Variants in IGF2BP3 observed in about 807,000 individuals in gnomAD.
IGF2BP3 encodes the protein insulin like growth factor 2 mRNA binding protein 3.
A neutral mutation model predicts 73.8 loss-of-function variants in IGF2BP3; 9 were observed. That is an observed-to-expected ratio of 0.12 (90% CI 0.07 to 0.21). The LOEUF (loss-of-function observed/expected upper bound fraction) is 0.21, where lower values mean the gene tolerates loss of function less well. Ranked by LOEUF, IGF2BP3 falls within the 10% of genes least tolerant of loss-of-function variation. The probability of loss-of-function intolerance (pLI) is 1.00; values close to 1 mark genes in which losing one functional copy is unlikely to be tolerated. For missense variants in IGF2BP3, 542 were observed against 714.0 expected, an observed-to-expected ratio of 0.76 and a Z score of 2.75; for synonymous variants, 258 against 256.7, an observed-to-expected ratio of 1.01 and a Z score of -0.05.
In IGF2BP3 at chr7:23,452,069, A is replaced by T. The variant is rs1006437407; in HGVS notation, c.236+16413T>A. ...ACCAAGGCTGGAGCACAGTGGCGTGATATCAGCTCACTGCAAGCTCCGCTT... is the reference window on the plus strand; with the variant it reads ...ACCAAGGCTGGAGCACAGTGGCGTGTTATCAGCTCACTGCAAGCTCCGCTT... On this transcript the variant is annotated intron_variant, in intron 2 of 14. Coordinates refer to ENST00000258729, the MANE Select transcript of IGF2BP3 (RefSeq NM_006547.3). 4.0e-5 allele frequency among the ~76,000 whole-genome samples: 6 copies of T among 149,608 alleles called. No individual in the cohort carries two copies. The Admixed American group carries it at 4.0e-4, about 10-fold the overall frequency.
At chr7:23,468,242 A>G (rs1054917268) in intron 2 of IGF2BP3, among the ~76,000 whole-genome samples, 5 of 152,214 alleles carry the variant, frequency 3.3e-5, no homozygotes, top group Non-Finnish European at 5.9e-5. Flanking sequence ...TGAGCTTTCG[A>G]GAGATTTTGT....
chr7:23,447,645 A>C (rs921305003), intron 2 of IGF2BP3, among the ~76,000 whole-genome samples: 4 of 151,986 alleles, frequency 2.6e-5, no homozygotes, highest in African/African-American at 7.2e-5. Flanking sequence ...ACAACAACAA[A>C]AAAATGAAGA....
At chr7:23,434,025 A>G (rs138919567) in intron 2 of IGF2BP3, among the ~76,000 whole-genome samples, 2,212 of 151,832 alleles carry the variant, frequency 0.015, 30 homozygotes, top group Middle Eastern at 0.031. Context: ...TTACAGTGAG[A>G]CAAGATTGTG....
intron 3 of IGF2BP3, among the ~76,000 whole-genome samples, chr7:23,369,554 T>C (rs1367865539): frequency 6.6e-6 from 1 of 152,144 alleles, no homozygotes; most frequent in Non-Finnish European, 1.5e-5. Context: ...ACAGAACCAG[T>C]TTGGTTCAGT....
Position 23,470,227 on chromosome 7 carries a change from CACAA to C in IGF2BP3, c.-121_-118del. 12 of 768,894 alleles carry C rather than the reference CACAA, an allele frequency of 1.6e-5. No homozygotes were observed. Among genetic ancestry groups the C allele is most frequent in the Middle Eastern group, 8.0e-4 (2 of 2,504 alleles). 47.6% of individuals were successfully genotyped at this position (768,894 alleles called of 1,614,324 possible). On this transcript the variant is annotated 5_prime_UTR_variant, in exon 1 of 15. Coordinates refer to ENST00000258729, the MANE Select transcript of IGF2BP3 (RefSeq NM_006547.3). ...CCCTCGTCTTCTCGCCTTTAAAATA[CACAA>C]ACACAGTAAGAACCAAGCACAAGAA...
intron 3 of IGF2BP3, among the ~76,000 whole-genome samples, chr7:23,400,780 C>T (rs964119168): frequency 6.6e-6 from 1 of 152,164 alleles, no homozygotes; most frequent in Non-Finnish European, 1.5e-5. Flanking sequence ...GCTGGAAGAG[C>T]AGAAGTATTT....
intron 10 of IGF2BP3, among the ~76,000 whole-genome samples, chr7:23,325,783 A>G (rs956801263): frequency 6.6e-6 from 1 of 152,214 alleles, no homozygotes; most frequent in Non-Finnish European, 1.5e-5. Context: ...GCGTATCTAC[A>G]ACTATCTAAT....
chr7:23,435,292 CAAAAAAAAAAAAAA>C (rs35846648), intron 2 of IGF2BP3, among the ~76,000 whole-genome samples: 19 of 47,962 alleles, frequency 4.0e-4, no homozygotes, highest in African/African-American at 1.0e-3. Context: ...GACTCTGTCT[CAAAAAAAAAAAAAA>C]AAAAAAAAAA....
At chr7:23,343,578 G>T in intron 9 of IGF2BP3, 140 bp downstream of exon 9, 1 of 743,456 alleles carries the variant, frequency 1.3e-6, no homozygotes, top group East Asian at 2.6e-5. Context: ...TACTATCCCA[G>T]GGTACTTGCT....
At chr7:23,314,025 C>G (rs1162537926) in intron 12 of IGF2BP3, among the ~76,000 whole-genome samples, 3 of 152,100 alleles carry the variant, frequency 2.0e-5, no homozygotes, top group Admixed American at 6.6e-5. Flanking sequence ...TTGCATTTTT[C>G]TTTCCTTTTT....
chr7:23,398,383 G>A (rs1786547919), intron 3 of IGF2BP3, among the ~76,000 whole-genome samples: 1 of 152,182 alleles, frequency 6.6e-6, no homozygotes, highest in Non-Finnish European at 1.5e-5. Context: ...ATGTGTGCAT[G>A]TGTCTTTATA....
At chr7:23,460,814 G>C (rs1788434909) in intron 2 of IGF2BP3, among the ~76,000 whole-genome samples, 1 of 152,092 alleles carries the variant, frequency 6.6e-6, no homozygotes, top group African/African-American at 2.4e-5. Context: ...AACTGGGCAT[G>C]GTGGTGCGCA....
chr7:23,349,826 G>C (rs943461362), intron 6 of IGF2BP3, among the ~76,000 whole-genome samples: 21 of 152,248 alleles, frequency 1.4e-4, no homozygotes, highest in Admixed American at 1.4e-3. Context: ...TGAGTAGCTC[G>C]AAAAGGAACA....
chr7:23,335,785 C>T lies in IGF2BP3; in HGVS notation c.1203+6279G>A, dbSNP rs139705513. ...TGCTGCCAAGACCATCCAGCTAAGG[C>T]GACACGCACTATGCCAATTCCAGCT... On this transcript the variant is annotated intron_variant, in intron 10 of 14. Transcript: ENST00000258729. 2.0e-3 allele frequency among the ~76,000 whole-genome samples: 302 copies of T among 152,308 alleles called. 1 individual carries two copies. The highest frequency in any genetic ancestry group is 3.1e-3 in the Non-Finnish European group (208 of 68,038).
intron 3 of IGF2BP3, among the ~76,000 whole-genome samples, chr7:23,392,903 T>C (rs1314646997): frequency 6.6e-6 from 1 of 152,182 alleles, no homozygotes; most frequent in Non-Finnish European, 1.5e-5. Context: ...AGTACTGTGA[T>C]TACAGGCATG....
rs188530442 is a variant in IGF2BP3 at position 23,316,507 on chromosome 7, C to G, written c.1395+1132G>C. Reference sequence around the variant, plus strand: ...GTGTGTGGCCAACATGGTGAAACCCCATCTCTACTAAAAATAAATTGGCTG... The same window carrying G: ...GTGTGTGGCCAACATGGTGAAACCCGATCTCTACTAAAAATAAATTGGCTG... On this transcript the variant is annotated intron_variant, in intron 12 of 14. Coordinates refer to ENST00000258729, the MANE Select transcript of IGF2BP3 (RefSeq NM_006547.3). Among the ~76,000 whole-genome samples the G allele has an allele frequency of 5.5e-3, 830 of 151,876 alleles. 3 individuals are homozygous for G. The highest frequency in any genetic ancestry group is 0.019 in the African/African-American group (800 of 41,404).
chr7:23,330,447 TCTCAC>T (rs1277293250), intron 10 of IGF2BP3, among the ~76,000 whole-genome samples: 1 of 151,758 alleles, frequency 6.6e-6, no homozygotes, highest in Admixed American at 6.6e-5. Flanking sequence ...TCCCCTCTCC[TCTCAC>T]AAGTCCCTTG....
At chr7:23,432,046 A>C (rs868684651) in intron 2 of IGF2BP3, among the ~76,000 whole-genome samples, 1 of 152,228 alleles carries the variant, frequency 6.6e-6, no homozygotes, top group South Asian at 2.1e-4. Flanking sequence ...GTGAGAATCT[A>C]AACATGGTTT....
chr7:23,376,940 A>T (rs1238083555), intron 3 of IGF2BP3, among the ~76,000 whole-genome samples: 2 of 152,224 alleles, frequency 1.3e-5, no homozygotes, highest in African/African-American at 4.8e-5. Context: ...ATTGTCACTA[A>T]AGAAATCAGC....
Sources: allele counts gnomAD v4.1 joint callset (sites outside exome capture counted in the v4.1 genomes callset), GRCh38; gene constraint gnomAD v4.1.1; transcripts MANE v1.5; gene names NCBI Gene and HGNC (gene_info 2026-07-23, HGNC 2026-07-21).